The following PPARGC1A variants were observed in gnomAD, a reference collection of about 807,000 sequenced individuals.
The protein encoded by PPARGC1A is peroxisome proliferator-activated receptor gamma coactivator 1-alpha.
Under a neutral mutation model 88.7 loss-of-function variants are expected in PPARGC1A, and 25 were observed. That is an observed-to-expected ratio of 0.28 (90% CI 0.21 to 0.39). The LOEUF is 0.39. PPARGC1A is among the 10% of genes least tolerant of loss of function. The probability of loss-of-function intolerance (pLI) is 1.00; values close to 1 mark genes in which losing one functional copy is unlikely to be tolerated. For synonymous variants in PPARGC1A, 363 were observed against 355.6 expected, an observed-to-expected ratio of 1.02 and a Z score of -0.24; for missense variants, 880 against 968.7, an observed-to-expected ratio of 0.91 and a Z score of 1.22.
upstream of PPARGC1A, among the ~76,000 whole-genome samples, chr4:23,894,211 A>T (rs1056250298): frequency 6.6e-6 from 1 of 152,166 alleles, no homozygotes; most frequent in Non-Finnish European, 1.5e-5. Context: ...GCATTCGTCC[A>T]GAAAGCAAAG....
the PPARGC1A span, among the ~76,000 whole-genome samples, chr4:24,203,422 C>G: frequency 4.6e-5 from 7 of 152,114 alleles, no homozygotes; most frequent in South Asian, 1.5e-3. Context: ...ATCTGTAATC[C>G]CAGCTACTTT....
At chr4:24,371,795 A>AC in the PPARGC1A span, among the ~76,000 whole-genome samples, 1 of 151,362 alleles carries the variant, frequency 6.6e-6, no homozygotes, top group Non-Finnish European at 1.5e-5. Context: ...ACAAAAAAAA[A>AC]AAAAAATTGG....
chr4:24,135,928 T>G, the PPARGC1A span, among the ~76,000 whole-genome samples: 5 of 152,150 alleles, frequency 3.3e-5, no homozygotes, highest in African/African-American at 9.7e-5. Context: ...CTTCTCAAAC[T>G]TACCTGGCCC....
chr4:23,835,428 G>A (rs1171684844), intron 2 of PPARGC1A, among the ~76,000 whole-genome samples: 1 of 151,870 alleles, frequency 6.6e-6, no homozygotes, highest in South Asian at 2.1e-4. Flanking sequence ...AACACAATGA[G>A]AGGGAGGATT....
the PPARGC1A span, among the ~76,000 whole-genome samples, chr4:24,210,162 T>C: frequency 6.6e-6 from 1 of 152,210 alleles, no homozygotes; most frequent in East Asian, 1.9e-4. Context: ...TTCTCTGTCC[T>C]GAGTGTCATC....
the PPARGC1A span, among the ~76,000 whole-genome samples, chr4:24,248,577 C>G: frequency 1.1e-4 from 17 of 152,178 alleles, no homozygotes; most frequent in Non-Finnish European, 1.9e-4. Flanking sequence ...CATACCCTCC[C>G]CCAGCGACCA....
chr4:23,901,185 G>C (rs111526662), upstream of PPARGC1A, among the ~76,000 whole-genome samples: 3 of 152,214 alleles, frequency 2.0e-5, no homozygotes, highest in African/African-American at 7.2e-5. Flanking sequence ...GGCTAACACG[G>C]TGAAACCCCA....
chr4:24,401,016 T>TC, the PPARGC1A span, among the ~76,000 whole-genome samples: 5 of 2,944 alleles, frequency 1.7e-3, no homozygotes, highest in South Asian at 0.089. Context: ...CTGAATTTTC[T>TC]TTTTTTTTTT....
chr4:24,401,543 G>T, the PPARGC1A span, among the ~76,000 whole-genome samples: 3 of 152,096 alleles, frequency 2.0e-5, no homozygotes, highest in Non-Finnish European at 4.4e-5. Flanking sequence ...TGAGGATGAT[G>T]GTTAATGTTT....
Position 23,795,928 on chromosome 4 carries a change from G to GA in PPARGC1A, c.2294-4dup, listed in dbSNP as rs751556347. 1.8e-4 allele frequency: 294 copies of GA among 1,598,250 alleles called. No homozygotes were observed. The highest frequency in any genetic ancestry group is 6.7e-4 in the Middle Eastern group (4 of 6,012). On this transcript the variant is annotated splice_region_variant and splice_polypyrimidine_tract_variant and intron_variant, in intron 12 of 12. Transcript: ENST00000264867. ...GTCAAAGTCATCTGAGTTTGAATCT[G>GA]AAAAAAAACACAAGCCAGTTTAGAT...
chr4:24,255,504 G>A, the PPARGC1A span, among the ~76,000 whole-genome samples: 4 of 152,000 alleles, frequency 2.6e-5, no homozygotes, highest in African/African-American at 7.2e-5. Flanking sequence ...TTTTACTTAC[G>A]GCTTTCCATC....
At chr4:24,208,125 T>C in the PPARGC1A span, among the ~76,000 whole-genome samples, 1 of 151,288 alleles carries the variant, frequency 6.6e-6, no homozygotes, top group Non-Finnish European at 1.5e-5. Flanking sequence ...GAAAAAAAAA[T>C]GTTAAAAATT....
the PPARGC1A span, among the ~76,000 whole-genome samples, chr4:24,082,565 G>A: frequency 6.6e-6 from 1 of 152,174 alleles, no homozygotes; most frequent in Non-Finnish European, 1.5e-5. Flanking sequence ...ATAAGTGAGA[G>A]AATCGCTGCA....
At chr4:24,043,450 C>T in the PPARGC1A span, among the ~76,000 whole-genome samples, 259 of 152,196 alleles carry the variant, frequency 1.7e-3, 1 homozygote, top group African/African-American at 6.2e-3. Flanking sequence ...TTTTCTACTC[C>T]GTGTTACTGT....
intron 2 of PPARGC1A, among the ~76,000 whole-genome samples, chr4:23,873,118 A>G (rs113905719): frequency 0.18 from 26,794 of 150,948 alleles, 3,058 homozygotes; most frequent in Middle Eastern, 0.35. Flanking sequence ...GAATGGCATG[A>G]ACCCAGGAGG....
At chr4:23,969,057 G>A in the PPARGC1A span, among the ~76,000 whole-genome samples, 1 of 152,344 alleles carries the variant, frequency 6.6e-6, no homozygotes, top group South Asian at 2.1e-4. Flanking sequence ...CCCACTGGGA[G>A]AGTATTAAGA....
chr4:24,283,228 T>C, the PPARGC1A span, among the ~76,000 whole-genome samples: 4 of 152,258 alleles, frequency 2.6e-5, no homozygotes, highest in South Asian at 4.2e-4. Context: ...AGGTTCACTG[T>C]CAGTTACTTT....
At chr4:24,238,958 T>C in the PPARGC1A span, among the ~76,000 whole-genome samples, 1 of 152,166 alleles carries the variant, frequency 6.6e-6, no homozygotes, top group Non-Finnish European at 1.5e-5. Context: ...TATAGATATT[T>C]ACTAAAGATG....
the PPARGC1A span, among the ~76,000 whole-genome samples, chr4:23,991,915 C>G: frequency 6.6e-6 from 1 of 152,068 alleles, no homozygotes; most frequent in East Asian, 1.9e-4. Context: ...AAGGCTGCAA[C>G]CTCAAAGCAC....
Sources: allele counts gnomAD v4.1 joint callset (sites outside exome capture counted in the v4.1 genomes callset), GRCh38; gene constraint gnomAD v4.1.1; transcripts MANE v1.5; gene names NCBI Gene and HGNC (gene_info 2026-07-23, HGNC 2026-07-21).